ANXA7: variants seen among roughly 807,000 people sequenced by gnomAD.
ANXA7 encodes annexin VII.
Under a neutral mutation model 64.9 loss-of-function variants are expected in ANXA7, and 55 were observed. That is an observed-to-expected ratio of 0.85 (90% confidence interval 0.68 to 1.06). The LOEUF (loss-of-function observed/expected upper bound fraction) is 1.06, where lower values mean the gene tolerates loss of function less well. Ranked by LOEUF, ANXA7 falls within the 50% of genes least tolerant of loss-of-function variation. The pLI, the probability that ANXA7 is intolerant of heterozygous loss-of-function variation, is 0.00. For synonymous variants in ANXA7, 200 were observed against 192.4 expected (o/e 1.04, Z -0.33); for missense variants, 548 against 582.1 (o/e 0.94, Z 0.60).
At chr10:73,400,194 T>C (rs1589661519) in intron 2 of ANXA7, among the ~76,000 whole-genome samples, 1 of 152,114 alleles carries the variant, frequency 6.6e-6, no homozygotes, top group Admixed American at 6.6e-5. Context: ...TTCTTACTTA[T>C]GGCTCAGCTC....
At chr10:73,383,555 A>T in intron 8 of ANXA7, 22 bp downstream of exon 8, 10 of 1,543,286 alleles carry the variant, frequency 6.5e-6, no homozygotes, top group Non-Finnish European at 8.9e-6. Flanking sequence ...AAATATTCAT[A>T]ATAAATGACA....
intron 12 of ANXA7, among the ~76,000 whole-genome samples, chr10:73,377,248 T>C (rs968280910): frequency 6.6e-6 from 1 of 152,150 alleles, no homozygotes; most frequent in Admixed American, 6.5e-5. Flanking sequence ...TTGTTTTCTT[T>C]AAAAATAATC....
intron 2 of ANXA7, among the ~76,000 whole-genome samples, chr10:73,400,363 C>CAGTTTTA (rs916402808): frequency 6.6e-6 from 1 of 151,962 alleles, no homozygotes; most frequent in African/African-American, 2.4e-5. Flanking sequence ...GGTTAAGATG[C>CAGTTTTA]AGTGATATTA....
intron 1 of ANXA7, among the ~76,000 whole-genome samples, chr10:73,413,511 G>A (rs978735831): frequency 2.6e-5 from 4 of 152,238 alleles, no homozygotes; most frequent in African/African-American, 9.6e-5. Context: ...TTCTAGAATA[G>A]CTTCCAAGAA....
intron 1 of ANXA7, among the ~76,000 whole-genome samples, chr10:73,410,555 G>A (rs568204267): frequency 1.2e-4 from 18 of 152,190 alleles, no homozygotes; most frequent in African/African-American, 2.6e-4. Context: ...AGGCCCAGAC[G>A]GGCGATCACC....
chr10:73,400,092 G>A (rs939265668), intron 2 of ANXA7, among the ~76,000 whole-genome samples: 2 of 151,892 alleles, frequency 1.3e-5, no homozygotes, highest in African/African-American at 4.8e-5. Context: ...GCAGTGAGCT[G>A]AGATCACACC....
chr10:73,386,214 T>TAAAAAAAAAAAAAAAAAAAAAAAA, intron 7 of ANXA7, among the ~76,000 whole-genome samples: 1 of 83,396 alleles, frequency 1.2e-5, no homozygotes. Flanking sequence ...CAAAAAAAAG[T>TAAAAAAAAAAAAAAAAAAAAAAAA]AAAAAAAAAA....
chr10:73,399,198 G>A (rs2055621356), intron 2 of ANXA7, among the ~76,000 whole-genome samples: 2 of 152,152 alleles, frequency 1.3e-5, no homozygotes, highest in African/African-American at 4.8e-5. Flanking sequence ...AACACTGCAT[G>A]AAACAAAGCC....
chr10:73,384,112 C>A (rs566619835), intron 7 of ANXA7, among the ~76,000 whole-genome samples: 1 of 150,928 alleles, frequency 6.6e-6, no homozygotes, highest in African/African-American at 2.4e-5. Context: ...CAGAGCAAGA[C>A]TCCGTCTCAA....
chr10:73,379,814 G>A, intron 11 of ANXA7, 65 bp downstream of exon 11: 2 of 1,439,608 alleles, frequency 1.4e-6, no homozygotes, highest in Non-Finnish European at 2.0e-6. Flanking sequence ...CATTTAATGG[G>A]AACAACTATT....
chr10:73,379,848 G>A, intron 11 of ANXA7, 31 bp downstream of exon 11: 1 of 1,598,902 alleles, frequency 6.3e-7, no homozygotes, highest in Non-Finnish European at 8.6e-7. Context: ...CATTTAAAAA[G>A]AAAATAAAGC....
chr10:73,377,939 G>GCA (rs2055210931), intron 12 of ANXA7, among the ~76,000 whole-genome samples: 3 of 151,424 alleles, frequency 2.0e-5, no homozygotes, highest in East Asian at 2.0e-4. Flanking sequence ...GTGCGCGCGC[G>GCA]TGTGTTTTTT....
chr10:73,383,682 G>A lies in ANXA7; in HGVS notation c.642C>T (p.Ile214=). The change falls in exon 8 of 13, where the codon ATC becomes ATT. Residue 214 remains isoleucine (I), a synonymous_variant. Transcript: ENST00000372921. ...AFKTSYGKDL[I]KDLKSELSGN... ...CACTTAACTCTGATTTGAGATCTTT[G>A]ATTAAATCCTATTTAATCACAAATA... 1 of 1,603,492 alleles carries A rather than the reference G, an allele frequency of 6.2e-7. No homozygotes were observed. The highest frequency in any genetic ancestry group is 1.1e-5 in the South Asian group (1 of 90,648).
At position 73,378,900 on chromosome 10, in the gene ANXA7, G is replaced by A. The variant is rs1211133495; in HGVS notation, c.1278+11C>T. On this transcript the variant is annotated intron_variant, in intron 12 of 12. Transcript: ENST00000372921. ...AGTAAGACCCGACAAAAAGAGAGAG[G>A]CCTGCCTCACCTCACTTCGAGTGAC... The A allele has an allele frequency of 6.3e-7, 1 of 1,597,154 alleles. No individual in the cohort carries two copies. Among genetic ancestry groups the A allele is most frequent in the Non-Finnish European group, 8.6e-7 (1 of 1,165,358 alleles).
At chr10:73,412,535 G>A (rs1414067355) in intron 1 of ANXA7, among the ~76,000 whole-genome samples, 5 of 145,442 alleles carry the variant, frequency 3.4e-5, no homozygotes, top group East Asian at 4.2e-4. Context: ...TCTCTCTGCC[G>A]CCCAGGCTGG....
intron 7 of ANXA7, among the ~76,000 whole-genome samples, chr10:73,384,334 T>G (rs1405245329): frequency 1.3e-5 from 2 of 152,146 alleles, no homozygotes; most frequent in Non-Finnish European, 2.9e-5. Context: ...GATATTTACT[T>G]AGTAAAAGGA....
chr10:73,393,701 A>C (rs1423168023), intron 5 of ANXA7, among the ~76,000 whole-genome samples: 1 of 152,208 alleles, frequency 6.6e-6, no homozygotes, highest in Non-Finnish European at 1.5e-5. Context: ...CTTATACAAC[A>C]ATTAATTCAA....
intron 7 of ANXA7, among the ~76,000 whole-genome samples, chr10:73,386,268 C>G: frequency 6.7e-6 from 1 of 149,842 alleles, no homozygotes; most frequent in East Asian, 2.0e-4. Flanking sequence ...CCCATTACAT[C>G]TGAGGAACAA....
intron 1 of ANXA7, among the ~76,000 whole-genome samples, chr10:73,412,261 T>C (rs1317839822): frequency 2.0e-5 from 3 of 151,810 alleles, no homozygotes; most frequent in Non-Finnish European, 4.4e-5. Context: ...GGTCTCGATC[T>C]CCTGACCTCG....
Sources: allele counts gnomAD v4.1 joint callset (sites outside exome capture counted in the v4.1 genomes callset), GRCh38; gene constraint gnomAD v4.1.1; transcripts MANE v1.5; gene names NCBI Gene and HGNC (gene_info 2026-07-23, HGNC 2026-07-21).